Variants in CNTNAP2 observed in about 807,000 individuals in gnomAD.
CNTNAP2 encodes contactin associated protein 2.
A neutral mutation model predicts 155.2 loss-of-function variants in CNTNAP2; 98 were observed. That is an observed-to-expected ratio of 0.63 (90% CI 0.54 to 0.75). The LOEUF (loss-of-function observed/expected upper bound fraction) is 0.75. Ranked by LOEUF, CNTNAP2 falls within the 30% of genes least tolerant of loss-of-function variation. The probability of loss-of-function intolerance (pLI) is 0.00; values close to 1 mark genes in which losing one functional copy is unlikely to be tolerated. For missense variants in CNTNAP2, 1,727 were observed against 1,688.1 expected, an observed-to-expected ratio of 1.02 and a Z score of -0.40; for synonymous variants, 651 against 631.2, an observed-to-expected ratio of 1.03 and a Z score of -0.47.
intron 1 of CNTNAP2, among the ~76,000 whole-genome samples, chr7:146,163,585 C>CTATCTATCTATATATATATA (rs1354076042): frequency 8.8e-5 from 8 of 91,218 alleles, no homozygotes; most frequent in African/African-American, 3.2e-4. Context: ...ATCTATCTAT[C>CTATCTATCTATATATATATA]TATATATATA....
chr7:147,520,477 C>T (rs1446815432), intron 11 of CNTNAP2, among the ~76,000 whole-genome samples: 3 of 152,290 alleles, frequency 2.0e-5, no homozygotes, highest in African/African-American at 4.8e-5. Context: ...AGGTTAGTGT[C>T]TCTCATGGTA....
intron 21 of CNTNAP2, among the ~76,000 whole-genome samples, chr7:148,346,629 A>C (rs1442104251): frequency 6.6e-6 from 1 of 151,880 alleles, no homozygotes; most frequent in Non-Finnish European, 1.5e-5. Flanking sequence ...AAAATTAGCC[A>C]GGTGTGGTGG....
intron 3 of CNTNAP2, among the ~76,000 whole-genome samples, chr7:146,990,168 T>C (rs1237640440): frequency 6.6e-6 from 1 of 152,148 alleles, no homozygotes; most frequent in African/African-American, 2.4e-5. Context: ...GACTTGTTCT[T>C]ATGAGTAACA....
chr7:147,608,437 A>T (rs958621809), intron 12 of CNTNAP2, among the ~76,000 whole-genome samples: 3 of 151,958 alleles, frequency 2.0e-5, no homozygotes, highest in Admixed American at 2.0e-4. Flanking sequence ...GGTAGGATCT[A>T]TAACCCCATG....
chr7:148,046,977 C>T (rs1203999629), intron 15 of CNTNAP2, among the ~76,000 whole-genome samples: 1 of 152,132 alleles, frequency 6.6e-6, no homozygotes, highest in Non-Finnish European at 1.5e-5. Context: ...CAATTCTCTA[C>T]CTAGAATAGC....
At chr7:147,365,105 T>A (rs139921555) in intron 9 of CNTNAP2, among the ~76,000 whole-genome samples, 1 of 152,152 alleles carries the variant, frequency 6.6e-6, no homozygotes, top group African/African-American at 2.4e-5. Flanking sequence ...TTCCTGTTTT[T>A]AAAACTTATA....
intron 1 of CNTNAP2, among the ~76,000 whole-genome samples, chr7:146,292,413 C>G (rs943137919): frequency 3.3e-5 from 5 of 152,072 alleles, no homozygotes; most frequent in African/African-American, 1.2e-4. Context: ...AACAAAACTG[C>G]CCATTAGCAC....
chr7:146,705,563 A>C (rs903341888), intron 1 of CNTNAP2, among the ~76,000 whole-genome samples: 3 of 152,114 alleles, frequency 2.0e-5, no homozygotes, highest in African/African-American at 7.2e-5. Context: ...GCTGCTAATA[A>C]AAATATACCT....
chr7:147,758,298 A>G (rs1285284046), intron 13 of CNTNAP2, among the ~76,000 whole-genome samples: 2 of 152,232 alleles, frequency 1.3e-5, no homozygotes, highest in Non-Finnish European at 2.9e-5. Context: ...CCGAAAATGT[A>G]TCTCTTAAAA....
intron 1 of CNTNAP2, among the ~76,000 whole-genome samples, chr7:146,402,103 A>G: frequency 6.6e-6 from 1 of 152,188 alleles, no homozygotes; most frequent in East Asian, 1.9e-4. Flanking sequence ...AAGTATGTTC[A>G]TATATAATGA....
intron 1 of CNTNAP2, among the ~76,000 whole-genome samples, chr7:146,595,557 A>G (rs186376295): frequency 6.6e-6 from 1 of 152,190 alleles, no homozygotes; most frequent in Non-Finnish European, 1.5e-5. Flanking sequence ...ACAATTTCTC[A>G]TAGCCTCTGG....
intron 1 of CNTNAP2, among the ~76,000 whole-genome samples, chr7:146,596,555 A>AC (rs535301043): frequency 3.2e-4 from 48 of 148,744 alleles, no homozygotes; most frequent in Admixed American, 5.5e-4. Context: ...GGCCACATTC[A>AC]CCCCCCCAGC....
intron 3 of CNTNAP2, among the ~76,000 whole-genome samples, chr7:146,858,968 A>G (rs1562976140): frequency 1.3e-5 from 2 of 152,226 alleles, no homozygotes; most frequent in Non-Finnish European, 2.9e-5. Flanking sequence ...TGATAATGTA[A>G]GGGTTTTACA....
intron 4 of CNTNAP2, among the ~76,000 whole-genome samples, chr7:147,079,829 CGT>C (rs1014891874): frequency 3.9e-5 from 6 of 151,970 alleles, no homozygotes; most frequent in Non-Finnish European, 7.4e-5. Flanking sequence ...AGAATCCCCA[CGT>C]GTTTGTCCTT....
chr7:147,513,201 G>A (rs1799052138), intron 11 of CNTNAP2, among the ~76,000 whole-genome samples: 1 of 152,052 alleles, frequency 6.6e-6, no homozygotes, highest in African/African-American at 2.4e-5. Context: ...TTGGTAAAGA[G>A]AAACTAAAGA....
At chr7:147,264,110 C>T (rs866078809) in intron 8 of CNTNAP2, among the ~76,000 whole-genome samples, 3 of 152,040 alleles carry the variant, frequency 2.0e-5, no homozygotes, top group African/African-American at 4.8e-5. Flanking sequence ...ATGGGGTAAA[C>T]TTACTGTTTT....
chr7:146,303,135 G>T (rs1262153321), intron 1 of CNTNAP2, among the ~76,000 whole-genome samples: 2 of 151,734 alleles, frequency 1.3e-5, no homozygotes, highest in African/African-American at 2.4e-5. Context: ...CACGTGTCAT[G>T]GGAGACATGG....
chr7:146,429,532 G>T (rs1483101118), intron 1 of CNTNAP2, among the ~76,000 whole-genome samples: 2 of 151,980 alleles, frequency 1.3e-5, no homozygotes, highest in East Asian at 3.9e-4. Flanking sequence ...CTAGTTTCCT[G>T]TTGTTGGTGC....
chr7:146,848,082 C>G (rs1436336992), intron 3 of CNTNAP2, among the ~76,000 whole-genome samples: 1 of 152,110 alleles, frequency 6.6e-6, no homozygotes, highest in African/African-American at 2.4e-5. Flanking sequence ...CATGAAAGGA[C>G]AAATCAGCTG....
Sources: gnomAD v4.1 joint callset for allele counts (sites outside exome capture counted in the v4.1 genomes callset) on GRCh38, gnomAD v4.1.1 for gene constraint, MANE v1.5 for transcripts, NCBI Gene and HGNC (gene_info 2026-07-23, HGNC 2026-07-21) for gene names.